R3HDML: variants seen among roughly 807,000 people sequenced by gnomAD.
R3HDML encodes R3H domain containing like, also known as peptidase inhibitor R3HDML.
In R3HDML, 21 loss-of-function variants were observed where a neutral mutation model predicts 24.2. The observed-to-expected ratio is 0.87, with a 90% confidence interval of 0.62 to 1.25. R3HDML has a LOEUF of 1.25. Ranked by LOEUF, R3HDML falls within the 50% of genes most tolerant of loss-of-function variation. R3HDML has a pLI of 0.00. For synonymous variants in R3HDML, 133 were observed against 131.5 expected (o/e 1.01, Z -0.08); for missense variants, 301 against 340.3 (o/e 0.88, Z 0.91).
chr20:44,341,283 G>T lies in R3HDML; in HGVS notation c.349G>T (p.Val117Leu). The T allele has an allele frequency of 6.2e-7, 1 of 1,614,122 alleles. No homozygotes were observed. Among genetic ancestry groups the T allele is most frequent in the Non-Finnish European group, 8.5e-7 (1 of 1,179,962 alleles). The change falls in exon 2 of 5, where the codon GTG (valine) becomes TTG (leucine). Residue 117 changes from valine to leucine, a missense_variant. Physicochemically the swap from Val to Leu is conservative, Grantham distance 32 (BLOSUM62 1). Coordinates refer to ENST00000217043, the MANE Select transcript of R3HDML (RefSeq NM_178491.4). ...AHGPSQLMRYVGQNLSIHSGQ... is the reference protein window; with the variant it reads ...AHGPSQLMRYLGQNLSIHSGQ... ...TGGGCCTTCACAGCTGATGAGATACGTGGGCCAGAACCTCTCCATCCATTC... is the reference window on the plus strand; with the variant it reads ...TGGGCCTTCACAGCTGATGAGATACTTGGGCCAGAACCTCTCCATCCATTC...
At chr20:44,344,085 T>C (rs1343009623) in intron 3 of R3HDML, among the ~76,000 whole-genome samples, 2 of 152,048 alleles carry the variant, frequency 1.3e-5, no homozygotes, top group Non-Finnish European at 2.9e-5. Flanking sequence ...ATCAAGACCA[T>C]CCTGGCTAAC....
intron 1 of R3HDML, among the ~76,000 whole-genome samples, chr20:44,340,761 G>C (rs113809716): frequency 6.6e-6 from 1 of 152,016 alleles, no homozygotes; most frequent in African/African-American, 2.4e-5. Flanking sequence ...AGCTGCGATC[G>C]CACCACTGCA....
At chr20:44,346,610 C>T (rs1420244245) in intron 4 of R3HDML, among the ~76,000 whole-genome samples, 1 of 152,186 alleles carries the variant, frequency 6.6e-6, no homozygotes, top group Admixed American at 6.5e-5. Context: ...CACTGGATAG[C>T]CAAAGGCCCC....
chr20:44,347,233 G>C (rs145488763), intron 4 of R3HDML, among the ~76,000 whole-genome samples: 14 of 120,824 alleles, frequency 1.2e-4, no homozygotes, highest in Middle Eastern at 5.2e-3. Flanking sequence ...TTTTTTTTTG[G>C]GGGGGGACGA....
chr20:44,341,807 C>T, intron 2 of R3HDML, among the ~76,000 whole-genome samples: 1 of 152,108 alleles, frequency 6.6e-6, no homozygotes, highest in East Asian at 1.9e-4. Flanking sequence ...ATCACTTGAA[C>T]CTGGGAGGTG....
chr20:44,346,110 G>A (rs2062786294), intron 4 of R3HDML, among the ~76,000 whole-genome samples: 1 of 151,452 alleles, frequency 6.6e-6, no homozygotes, highest in Non-Finnish European at 1.5e-5. Context: ...GTGAGCCACT[G>A]CGCCTGGCCT....
chr20:44,339,601 GTGTGTC>G, intron 1 of R3HDML, among the ~76,000 whole-genome samples: 1 of 151,742 alleles, frequency 6.6e-6, no homozygotes, highest in African/African-American at 2.4e-5. Context: ...GTGTGTGTGT[GTGTGTC>G]TGTGTGTGTG....
intron 4 of R3HDML, among the ~76,000 whole-genome samples, chr20:44,348,799 C>T (rs554904414): frequency 3.3e-5 from 5 of 152,274 alleles, no homozygotes; most frequent in Admixed American, 1.3e-4. Flanking sequence ...CAGGCACGAG[C>T]CACCAAGCCC....
rs887101673 is a variant in R3HDML, at chr20:44,350,856, A to T, written c.*64A>T. On this transcript the variant is annotated 3_prime_UTR_variant, in exon 5 of 5. Coordinates refer to ENST00000217043, the MANE Select transcript of R3HDML (RefSeq NM_178491.4). ...ACCCTCCATGTCCTGCCCTCAAAAA[A>T]CTGGGTGGAGAAATAATTGTTTCTT... The T allele has an allele frequency of 1.5e-4, 237 of 1,568,074 alleles. No homozygotes were observed. Among genetic ancestry groups the T allele is most frequent in the Non-Finnish European group, 2.0e-4 (229 of 1,153,116 alleles).
At chr20:44,344,082 C>G (rs2062779497) in intron 3 of R3HDML, among the ~76,000 whole-genome samples, 1 of 152,134 alleles carries the variant, frequency 6.6e-6, no homozygotes, top group Non-Finnish European at 1.5e-5. Flanking sequence ...GAGATCAAGA[C>G]CATCCTGGCT....
intron 1 of R3HDML, among the ~76,000 whole-genome samples, chr20:44,338,659 A>G (rs1165654181): frequency 3.9e-5 from 6 of 152,200 alleles, no homozygotes; most frequent in Admixed American, 6.5e-5. Context: ...AGAGGGTTCA[A>G]TATCTCACCA....
Position 44,337,240 on chromosome 20 carries a change from A to G in R3HDML, c.83A>G (p.Asn28Ser), listed in dbSNP as rs376647046. ...GCAGTGAACGCCTTGATAATGCCTA[A>G]TGCTACCCCAGCCCCGGCCCAGCCC... is the stretch of plus-strand genomic sequence containing the variant. Reference protein sequence around the residue: ...GQAVNALIMPNATPAPAQPES... With the variant: ...GQAVNALIMPSATPAPAQPES... The change falls in exon 1 of 5, where the codon AAT (asparagine) becomes AGT (serine). Residue 28 changes from asparagine to serine, a missense_variant. Coordinates refer to ENST00000217043, the MANE Select transcript of R3HDML (RefSeq NM_178491.4). This position sits in a 1 kb window ranked among gnomAD's most constrained non-coding sequence, Gnocchi z 4.7. 1.2e-5 allele frequency: 20 copies of G among 1,613,844 alleles called. No individual in the cohort carries two copies. The East Asian group carries it at 4.0e-4, about 32-fold the overall frequency.
intron 1 of R3HDML, among the ~76,000 whole-genome samples, chr20:44,340,146 G>T (rs2062768354): frequency 6.6e-6 from 1 of 151,882 alleles, no homozygotes; most frequent in Non-Finnish European, 1.5e-5. Flanking sequence ...GTAGAGACAG[G>T]GTTTCACCAT....
rs2146109043 is a variant in R3HDML at position 44,341,197 on chromosome 20, T to C, written c.263T>C (p.Val88Ala). ...YPPAANMEYM[V>A]WDKRLARAAE... ...ATTTCATTGCCTTTCTTTCCCCAGG[T>C]CTGGGACAAGCGGCTGGCCAGGGCT... is the stretch of plus-strand genomic sequence containing the variant. The change falls in exon 2 of 5, where the codon GTC (valine) becomes GCC (alanine). Residue 88 changes from valine (V) to alanine (A), a missense_variant and splice_region_variant. Coordinates refer to ENST00000217043, the MANE Select transcript of R3HDML (RefSeq NM_178491.4). 6.2e-7 allele frequency: 1 copy of C among 1,611,368 alleles called. No homozygotes were observed. Among genetic ancestry groups the C allele is most frequent in the East Asian group, 2.2e-5 (1 of 44,830 alleles).
chr20:44,343,782 A>G (rs189323155), intron 3 of R3HDML, among the ~76,000 whole-genome samples: 167 of 146,618 alleles, frequency 1.1e-3, no homozygotes, highest in African/African-American at 4.0e-3. Context: ...TGTAACCTCT[A>G]CCTCCCAGGT....
chr20:44,339,323 G>A (rs1295053002), intron 1 of R3HDML, among the ~76,000 whole-genome samples: 1 of 152,160 alleles, frequency 6.6e-6, no homozygotes, highest in Non-Finnish European at 1.5e-5. Flanking sequence ...TGAGTCCTCA[G>A]TGCCTAGAGA....
Position 44,345,245 on chromosome 20 carries a change from GTC to G in R3HDML, c.514-14_514-13del, listed in dbSNP as rs1477221542. On this transcript the variant is annotated splice_polypyrimidine_tract_variant and intron_variant, in intron 3 of 4. Coordinates refer to ENST00000217043, the MANE Select transcript of R3HDML (RefSeq NM_178491.4). ...CTGAGCCCTTCTCATAGCCCCCTCT[GTC>G]TCTGTCCTTCACCAGATGGTGTGGG... 6.2e-7 allele frequency: 1 copy of G among 1,606,780 alleles called. No individual in the cohort carries two copies. Among genetic ancestry groups the G allele is most frequent in the Non-Finnish European group, 8.5e-7 (1 of 1,173,344 alleles).
rs376540819 is a variant in R3HDML, at chr20:44,337,348, A to C, written c.191A>C (p.Asn64Thr). 5 of 1,614,222 alleles carry C rather than the reference A, an allele frequency of 3.1e-6. No individual in the cohort carries two copies. Among genetic ancestry groups the C allele is most frequent in the Non-Finnish European group, 4.2e-6 (5 of 1,180,030 alleles). Reference protein sequence around the residue: ...RKRHISVRDMNALLDYHNHIR... With the variant: ...RKRHISVRDMTALLDYHNHIR... The stretch of plus-strand genomic sequence containing the variant: ...CGCCACATCTCTGTGAGAGACATGA[A>C]TGCCTTACTGGATTATCACAACCAC... The change falls in exon 1 of 5, where the codon AAT (asparagine) becomes ACT (threonine). Residue 64 changes from asparagine (N) to threonine (T), a missense_variant. Transcript: ENST00000217043. This position sits in a 1 kb window ranked among gnomAD's most constrained non-coding sequence, Gnocchi z 4.7.
chr20:44,341,238 A>G lies in R3HDML; in HGVS notation c.304A>G (p.Thr102Ala). 6.2e-7 allele frequency: 1 copy of G among 1,614,060 alleles called. No homozygotes were observed. The highest frequency in any genetic ancestry group is 8.5e-7 in the Non-Finnish European group (1 of 1,179,916). ...RLARAAEAWA[T>A]QCIWAHGPSQ... ...GGCCAGGGCTGCCGAAGCCTGGGCC[A>G]CCCAGTGCATCTGGGCACATGGGCC... Residue 102 changes from threonine to alanine, a missense_variant, in exon 2 of 5, where the codon ACC becomes GCC. Thr to Ala is a moderately conservative substitution (Grantham distance 58). Coordinates refer to ENST00000217043, the MANE Select transcript of R3HDML (RefSeq NM_178491.4).
Sources: allele counts gnomAD v4.1 joint callset (sites outside exome capture counted in the v4.1 genomes callset), GRCh38; gene constraint gnomAD v4.1.1; non-coding constraint Gnocchi (gnomAD v3.1); transcripts MANE v1.5; gene names NCBI Gene and HGNC (gene_info 2026-07-23, HGNC 2026-07-21).